Variants in ZMYND8 observed in about 807,000 individuals in gnomAD.
ZMYND8 encodes the protein MYND-type zinc finger-containing chromatin reader ZMYND8.
Under a neutral mutation model 140.8 loss-of-function variants are expected in ZMYND8, and 37 were observed. The ratio of observed to expected loss-of-function variants is 0.26; its 90% CI spans 0.20 to 0.35. The LOEUF (loss-of-function observed/expected upper bound fraction) is 0.35. Ranked by LOEUF, ZMYND8 falls within the 10% of genes least tolerant of loss-of-function variation. The pLI is 1.00. For synonymous variants in ZMYND8, 592 were observed against 597.1 expected, an observed-to-expected ratio of 0.99 and a Z score of 0.12; for missense variants, 1,068 against 1,570.0, an observed-to-expected ratio of 0.68 and a Z score of 5.40.
At position 47,247,829 on chromosome 20, in the gene ZMYND8, G is replaced by A. The variant is rs569897768; in HGVS notation, c.1775-1312C>T. Among the ~76,000 whole-genome samples the A allele has an allele frequency of 2.1e-4, 32 of 152,302 alleles. No homozygotes were observed. In the East Asian group the frequency reaches 4.2e-3, roughly 20 times the overall value. ...CAGGGCTCAATCAAAAACACAAGTC[G>A]AGCCAGGCATGGTGGTGCACACCTG... On this transcript the variant is annotated intron_variant, in intron 13 of 22. Coordinates refer to ENST00000471951, the MANE Select transcript of ZMYND8 (RefSeq NM_001281775.3).
intron 3 of ZMYND8, among the ~76,000 whole-genome samples, chr20:47,300,848 G>A (rs1156754494): frequency 6.6e-6 from 1 of 151,772 alleles, no homozygotes; most frequent in East Asian, 1.9e-4. Context: ...CCAAGTAGCT[G>A]GGACTACAGG....
At chr20:47,251,303 G>A (rs1398565040) in intron 12 of ZMYND8, among the ~76,000 whole-genome samples, 4 of 152,152 alleles carry the variant, frequency 2.6e-5, no homozygotes. Context: ...ATTTACTGCA[G>A]TGGGGCCAGG....
chr20:47,267,160 A>G (rs767852235), intron 11 of ZMYND8, among the ~76,000 whole-genome samples: 12 of 151,938 alleles, frequency 7.9e-5, no homozygotes, highest in Non-Finnish European at 1.6e-4. Context: ...ATATTCTTTC[A>G]TTTCACTGAA....
chr20:47,252,366 T>G (rs1334354130), intron 12 of ZMYND8, among the ~76,000 whole-genome samples: 2 of 146,154 alleles, frequency 1.4e-5, no homozygotes, highest in Non-Finnish European at 3.0e-5. Context: ...AACAGCTGAG[T>G]TGCATGCAAA....
chr20:47,333,768 C>T (rs1444576922), intron 2 of ZMYND8, among the ~76,000 whole-genome samples: 3 of 113,634 alleles, frequency 2.6e-5, no homozygotes, highest in Non-Finnish European at 5.1e-5. Flanking sequence ...ATTAGCTGGG[C>T]GTGATGGTGC....
chr20:47,322,266 C>T (rs1359659100), intron 2 of ZMYND8, among the ~76,000 whole-genome samples: 1 of 151,930 alleles, frequency 6.6e-6, no homozygotes, highest in Non-Finnish European at 1.5e-5. Flanking sequence ...GATGGACAAA[C>T]CACTGAACAG....
intron 1 of ZMYND8, among the ~76,000 whole-genome samples, chr20:47,350,630 AAC>A (rs1352173133): frequency 1.2e-4 from 18 of 152,302 alleles, no homozygotes; most frequent in African/African-American, 3.9e-4. Flanking sequence ...GGGGAAAAAA[AAC>A]AGTCAAATAA....
At position 47,212,668 on chromosome 20, in the gene ZMYND8, G is replaced by A. The variant is rs201733112; in HGVS notation, c.3542C>T (p.Pro1181Leu). ...AYAPTTTDHQ[P>L]HPNYPAQKYH... ...CTTCTGGGCGGGGTAGTTGGGGTGC[G>A]GCTGGTGGTCTGTGGTGGTTGGGGC... The change falls in exon 22 of 23, where the codon CCG becomes CTG. Residue 1181 changes from proline (P) to leucine (L), a missense_variant. Transcript: ENST00000471951. 35 of 1,613,872 alleles carry A rather than the reference G, an allele frequency of 2.2e-5. No individual in the cohort carries two copies. The highest frequency in any genetic ancestry group is 6.7e-5 in the East Asian group (3 of 44,878).
chr20:47,309,767 G>GA (rs771877520), intron 3 of ZMYND8, among the ~76,000 whole-genome samples: 8,462 of 139,214 alleles, frequency 0.061, 418 homozygotes, highest in African/African-American at 0.13. Flanking sequence ...CTAAAAGCAT[G>GA]AAAAAAAAAA....
chr20:47,297,367 C>A (rs777472715), intron 4 of ZMYND8, among the ~76,000 whole-genome samples: 2 of 152,158 alleles, frequency 1.3e-5, no homozygotes, highest in Non-Finnish European at 2.9e-5. Context: ...TCTGGATGAT[C>A]TTTCCATTTC....
intron 2 of ZMYND8, among the ~76,000 whole-genome samples, chr20:47,340,857 G>A (rs2081813953): frequency 6.6e-6 from 1 of 150,994 alleles, no homozygotes; most frequent in Non-Finnish European, 1.5e-5. Flanking sequence ...TAACAAATAA[G>A]AAAATACAAA....
intron 2 of ZMYND8, among the ~76,000 whole-genome samples, chr20:47,327,628 C>T (rs2080551796): frequency 6.6e-6 from 1 of 152,046 alleles, no homozygotes; most frequent in Non-Finnish European, 1.5e-5. Flanking sequence ...TGCACTTCAG[C>T]CTGCGCGGCA....
intron 8 of ZMYND8, 50 bp downstream of exon 8, chr20:47,287,179 C>T (rs757578704): frequency 6.5e-7 from 1 of 1,538,050 alleles, no homozygotes; most frequent in South Asian, 1.1e-5. Context: ...TCAGCTGCCC[C>T]ATCCCCTCCT....
chr20:47,257,591 CATAT>C (rs906077619), intron 12 of ZMYND8, among the ~76,000 whole-genome samples: 1 of 151,952 alleles, frequency 6.6e-6, no homozygotes, highest in East Asian at 1.9e-4. Context: ...TACACACATA[CATAT>C]ACTCAAATAT....
At position 47,227,983 on chromosome 20, in the gene ZMYND8, C is replaced by T. The variant is rs181238855; in HGVS notation, c.2938-702G>A. 8.6e-5 allele frequency among the ~76,000 whole-genome samples: 13 copies of T among 151,854 alleles called. No homozygotes were observed. In the East Asian group the frequency reaches 2.5e-3, roughly 29 times the overall value. ...CGGCGCACGCCTGTAATCCCAGCTA[C>T]TTGGGATGCTGAGGCATGAGAATCA... On this transcript the variant is annotated intron_variant, in intron 17 of 22. Coordinates refer to ENST00000471951, the MANE Select transcript of ZMYND8 (RefSeq NM_001281775.3).
intron 12 of ZMYND8, among the ~76,000 whole-genome samples, chr20:47,251,137 G>A (rs2147352306): frequency 6.6e-6 from 1 of 152,184 alleles, no homozygotes; most frequent in Middle Eastern, 3.4e-3. Context: ...AAAGCAAGCA[G>A]AGACACTATC....
intron 4 of ZMYND8, among the ~76,000 whole-genome samples, chr20:47,295,830 T>C (rs1489772541): frequency 6.6e-6 from 1 of 152,234 alleles, no homozygotes; most frequent in Non-Finnish European, 1.5e-5. Context: ...AGAATCCTTA[T>C]GTAGCAGCAA....
chr20:47,302,809 G>A lies in ZMYND8; in HGVS notation c.235-3862C>T, dbSNP rs552661641. 1.8e-4 allele frequency among the ~76,000 whole-genome samples: 27 copies of A among 152,270 alleles called. No individual in the cohort carries two copies. The South Asian group carries it at 5.4e-3, about 30-fold the overall frequency. On this transcript the variant is annotated intron_variant, in intron 3 of 22. Transcript: ENST00000471951. ...CAATGCAAACTAAGTTCAGATTAGT[G>A]CACAAAGCTAGAGGGGAAAAAACAT...
At chr20:47,253,803 A>G (rs920253374) in intron 12 of ZMYND8, among the ~76,000 whole-genome samples, 1 of 152,254 alleles carries the variant, frequency 6.6e-6, no homozygotes, top group African/African-American at 2.4e-5. Flanking sequence ...GCGACCCATT[A>G]ACTTTAGCCT....
Sources: gnomAD v4.1 joint callset for allele counts (sites outside exome capture counted in the v4.1 genomes callset) on GRCh38, gnomAD v4.1.1 for gene constraint, MANE v1.5 for transcripts, NCBI Gene and HGNC (gene_info 2026-07-23, HGNC 2026-07-21) for gene names.